The following KLHL12 variants were observed in gnomAD, a reference collection of about 807,000 sequenced individuals.
The protein encoded by KLHL12 is kelch like family member 12, also known as kelch-like protein 12.
KLHL12 carries 17 observed loss-of-function variants against 60.8 expected under a neutral mutation model. The observed-to-expected ratio is 0.28, with a 90% confidence interval of 0.19 to 0.42. The LOEUF is 0.42. Ranked by LOEUF, KLHL12 falls within the 10% of genes least tolerant of loss-of-function variation. KLHL12 has a pLI of 1.00. For synonymous variants in KLHL12, 220 were observed against 250.9 expected (o/e 0.88, Z 1.16); for missense variants, 468 against 722.3 (o/e 0.65, Z 4.04).
At position 202,895,374 on chromosome 1, in the gene KLHL12, A is replaced by C. The variant is rs1006393551; in HGVS notation, c.1135+148T>G. 2.0e-5 allele frequency: 14 copies of C among 704,232 alleles called. No homozygotes were observed. In the South Asian group the frequency reaches 2.7e-4, roughly 13 times the overall value. 43.6% of individuals were successfully genotyped at this position (704,232 alleles called of 1,614,324 possible). On this transcript the variant is annotated intron_variant, in intron 8 of 11. Coordinates refer to ENST00000367261, the MANE Select transcript of KLHL12 (RefSeq NM_021633.4). The surrounding 1 kb of genome is among the most constrained non-coding windows in gnomAD (Gnocchi z 4.2). ...ACACCACTGCACTCCAGCCTGGGCA[A>C]CAGAGAGAGACCCTGTCTCAAATAA... is the stretch of plus-strand genomic sequence containing the variant.
At chr1:202,912,418 T>A in intron 4 of KLHL12, 3 of 821,664 alleles carry the variant, frequency 3.7e-6, no homozygotes, top group East Asian at 2.4e-5. Context: ...TCTGGAAACT[T>A]TGGTTTGGTC....
intron 6 of KLHL12, among the ~76,000 whole-genome samples, chr1:202,897,228 C>CT (rs11305071): frequency 0.036 from 2,970 of 82,168 alleles, 10 homozygotes; most frequent in East Asian, 0.08. Context: ...ATTTCTTTTT[C>CT]TTTTTTTTTT....
At chr1:202,920,661 C>G (rs1406162702) in intron 2 of KLHL12, among the ~76,000 whole-genome samples, 1 of 152,038 alleles carries the variant, frequency 6.6e-6, no homozygotes, top group Admixed American at 6.6e-5. Context: ...CAGGCGTGAG[C>G]CACCGCGCCC....
chr1:202,902,258 C>T (rs1263122961), intron 6 of KLHL12, among the ~76,000 whole-genome samples: 1 of 152,002 alleles, frequency 6.6e-6, no homozygotes, highest in Admixed American at 6.6e-5. Flanking sequence ...GGTGAAACCC[C>T]ATCTCTAGTG....
upstream of KLHL12, chr1:202,927,279 A>T: frequency 1.0e-6 from 1 of 974,302 alleles, no homozygotes; most frequent in Non-Finnish European, 1.2e-6. Context: ...CAGCTGGAGC[A>T]CCGCCCTCCC....
At position 202,925,007 on chromosome 1, in the gene KLHL12, A is replaced by T; in HGVS notation, c.156T>A (p.Ala52=). Residue 52 remains alanine, a synonymous_variant, in exon 2 of 12, where the codon GCT becomes GCA. Transcript: ENST00000367261. ...KDFPAHRIVL[A]ACSDYFCAMF... Reference sequence around the variant, plus strand: ...TGGCACAGAAGTAATCACTACAGGCAGCCAGCACAATCCGATGGGCAGGGA... The same window carrying T: ...TGGCACAGAAGTAATCACTACAGGCTGCCAGCACAATCCGATGGGCAGGGA... 6.2e-7 allele frequency: 1 copy of T among 1,614,214 alleles called. No individual in the cohort carries two copies.
intron 2 of KLHL12, among the ~76,000 whole-genome samples, chr1:202,922,282 A>AC (rs1553239790): frequency 6.6e-6 from 1 of 151,478 alleles, no homozygotes; most frequent in Admixed American, 6.6e-5. Flanking sequence ...TAAGAGATAA[A>AC]GGGGGGCCGG....
intron 4 of KLHL12, among the ~76,000 whole-genome samples, chr1:202,913,977 T>C (rs1433435232): frequency 6.6e-6 from 1 of 152,192 alleles, no homozygotes; most frequent in Non-Finnish European, 1.5e-5. Context: ...CTTCATAGAA[T>C]GTACTATTGA....
chr1:202,920,915 T>C (rs1017318446), intron 2 of KLHL12, among the ~76,000 whole-genome samples: 2 of 152,186 alleles, frequency 1.3e-5, no homozygotes, highest in Admixed American at 6.5e-5. Flanking sequence ...TAAGACACAA[T>C]ATTTCAAAGA....
intron 4 of KLHL12, among the ~76,000 whole-genome samples, chr1:202,916,636 G>T (rs1660529687): frequency 6.6e-6 from 1 of 152,000 alleles, no homozygotes; most frequent in Non-Finnish European, 1.5e-5. Flanking sequence ...GTATACTTAA[G>T]ACCTGTTATT....
intron 5 of KLHL12, 95 bp downstream of exon 5, chr1:202,910,959 C>T: frequency 7.2e-7 from 1 of 1,391,764 alleles, no homozygotes; most frequent in South Asian, 1.3e-5. Context: ...AAACAGGAGA[C>T]TCTGTGCCTA....
intron 4 of KLHL12, among the ~76,000 whole-genome samples, chr1:202,913,614 A>G (rs1365090224): frequency 6.6e-6 from 1 of 152,168 alleles, no homozygotes; most frequent in Non-Finnish European, 1.5e-5. Context: ...ATTATTGCAT[A>G]CTACATAGGA....
intron 4 of KLHL12, 45 bp downstream of exon 4, chr1:202,918,126 A>G (rs73091308): frequency 7.0e-7 from 1 of 1,427,446 alleles, no homozygotes; most frequent in African/African-American, 1.4e-5. Context: ...AAGTTTTGTA[A>G]TTGCCCAATC....
At chr1:202,892,750 G>T in intron 11 of KLHL12, 91 bp from the exon 12 acceptor site, 1 of 1,402,968 alleles carries the variant, frequency 7.1e-7, no homozygotes, top group Non-Finnish European at 9.8e-7. Context: ...GCTGAGGTAA[G>T]AGGATTGCTT....
chr1:202,924,054 C>T (rs1274550225), intron 2 of KLHL12, among the ~76,000 whole-genome samples: 1 of 152,154 alleles, frequency 6.6e-6, no homozygotes, highest in Non-Finnish European at 1.5e-5. Context: ...GACTTGGGAT[C>T]TTGAAAAACA....
intron 9 of KLHL12, 36 bp from the exon 10 acceptor site, chr1:202,894,318 A>G (rs1209724422): frequency 2.9e-6 from 4 of 1,381,060 alleles, no homozygotes; most frequent in South Asian, 1.2e-5. Flanking sequence ...AGAGTGGTAA[A>G]TCCTCATGCC....
intron 3 of KLHL12, among the ~76,000 whole-genome samples, chr1:202,918,879 T>C (rs1445323661): frequency 6.6e-6 from 1 of 152,230 alleles, no homozygotes; most frequent in Non-Finnish European, 1.5e-5. Context: ...CTTCACACTG[T>C]TTAAATCATG....
intron 2 of KLHL12, among the ~76,000 whole-genome samples, chr1:202,921,003 T>G (rs1172994576): frequency 2.0e-5 from 3 of 152,016 alleles, no homozygotes; most frequent in Admixed American, 2.0e-4. Context: ...CATCTGTCCT[T>G]AGACTACTTT....
rs915240513 is a variant in KLHL12 at position 202,927,153 on chromosome 1, G to C, written c.-110C>G. 15 of 985,248 alleles carry C rather than the reference G, an allele frequency of 1.5e-5. No individual in the cohort carries two copies. The Admixed American group carries it at 9.2e-4, about 61-fold the overall frequency. 61.0% of individuals were successfully genotyped at this position (985,248 alleles called of 1,614,324 possible). ...CCAGCCTGTGGGGATGGAGTGCGGC[G>C]CGGGGCTAGCAGGCGGCTCGGGAGG... On this transcript the variant is annotated 5_prime_UTR_variant, in exon 1 of 12. Transcript: ENST00000367261.
Sources: gnomAD v4.1 joint callset for allele counts (sites outside exome capture counted in the v4.1 genomes callset) on GRCh38, gnomAD v4.1.1 for gene constraint, Gnocchi (gnomAD v3.1) non-coding constraint, MANE v1.5 for transcripts, NCBI Gene and HGNC (gene_info 2026-07-23, HGNC 2026-07-21) for gene names.